Variants in TNRC18 observed in about 807,000 individuals in gnomAD.
TNRC18 encodes trinucleotide repeat containing 18, also known as trinucleotide repeat-containing gene 18 protein.
In TNRC18, 69 loss-of-function variants were observed where a neutral mutation model predicts 226.7. The ratio of observed to expected loss-of-function variants is 0.30; its 90% CI spans 0.25 to 0.37. TNRC18 has a LOEUF of 0.37. Among genes scored for constraint, TNRC18 ranks in the 10% least tolerant of loss-of-function variants. The pLI is 1.00. For synonymous variants in TNRC18, 2,449 were observed against 1,927.6 expected, an observed-to-expected ratio of 1.27 and a Z score of -7.09; for missense variants, 4,754 against 4,256.6, an observed-to-expected ratio of 1.12 and a Z score of -3.25.
At chr7:5,374,806 G>T (rs879441358) in intron 9 of TNRC18, among the ~76,000 whole-genome samples, 2 of 152,218 alleles carry the variant, frequency 1.3e-5, no homozygotes, top group African/African-American at 4.8e-5. Context: ...GGACAAGGGG[G>T]GCCAGATGGG....
At chr7:5,404,081 T>C (rs1169584312) in intron 2 of TNRC18, among the ~76,000 whole-genome samples, 3 of 152,170 alleles carry the variant, frequency 2.0e-5, no homozygotes, top group Non-Finnish European at 4.4e-5. Context: ...GCCATAAGAA[T>C]CCCAGGCAGG....
intron 5 of TNRC18, among the ~76,000 whole-genome samples, chr7:5,387,277 AGCCCAG>A (rs1405146010): frequency 3.3e-5 from 5 of 152,188 alleles, no homozygotes; most frequent in Admixed American, 2.0e-4. Context: ...TACGTGCCAG[AGCCCAG>A]GCTGGCTAGG....
rs746565279 is a variant in TNRC18 at position 5,321,165 on chromosome 7, C to T, written c.6468G>A (p.Lys2156=). ...TPAPRSCIID[K]DELKDGLRVL... ...CACGCAGGCCGTCCTTCAGCTCATCCTTGTCGATGATGCAGGAGCGAGGGG... is the reference window on the plus strand; with the variant it reads ...CACGCAGGCCGTCCTTCAGCTCATCTTTGTCGATGATGCAGGAGCGAGGGG... The change falls in exon 22 of 30, where the codon AAG becomes AAA. Residue 2156 remains lysine (K), a synonymous_variant. Coordinates refer to ENST00000430969, the MANE Select transcript of TNRC18 (RefSeq NM_001080495.3). 6.4e-7 allele frequency: 1 copy of T among 1,552,196 alleles called. No homozygotes were observed.
At chr7:5,320,737 C>T (rs1788265698) in intron 22 of TNRC18, 130 bp from the exon 23 acceptor site, 2 of 783,316 alleles carry the variant, frequency 2.6e-6, no homozygotes. Context: ...TGCTGACTTG[C>T]TGAATTTGGG....
chr7:5,381,734 G>C (rs1481090908), intron 5 of TNRC18, among the ~76,000 whole-genome samples: 1 of 152,234 alleles, frequency 6.6e-6, no homozygotes, highest in Non-Finnish European at 1.5e-5. Context: ...GGGAGGCCAA[G>C]GTGGGCAGAC....
intron 19 of TNRC18, among the ~76,000 whole-genome samples, chr7:5,327,399 G>GTC (rs143382473): frequency 0.18 from 24,852 of 138,140 alleles, 2,374 homozygotes; most frequent in East Asian, 0.51. Flanking sequence ...GTGTGTGTGT[G>GTC]TGTGTGTGTG....
chr7:5,382,275 G>A lies in TNRC18; in HGVS notation c.2153-4251C>T, dbSNP rs796600997. On this transcript the variant is annotated intron_variant, in intron 5 of 29. Coordinates refer to ENST00000430969, the MANE Select transcript of TNRC18 (RefSeq NM_001080495.3). ...ACGGCCCCACACAGGGAGTGCCACA[G>A]GGCCCTCTCCAGCCACGTCACTGCC... Among the ~76,000 whole-genome samples the A allele has an allele frequency of 1.6e-4, 24 of 152,332 alleles. 1 individual carries two copies. The highest frequency in any genetic ancestry group is 5.8e-4 in the African/African-American group (24 of 41,586).
In TNRC18 at chr7:5,388,244, G is replaced by A; in HGVS notation, c.1580C>T (p.Ala527Val). ...NFAATQMAVLAAQHHHSRAEE... is the reference protein window; with the variant it reads ...NFAATQMAVLVAQHHHSRAEE... ...GGCGCGGCTGTGGTGGTGCTGCGCG[G>A]CCAGCACGGCCATCTGCGTGGCGGC... is the stretch of plus-strand genomic sequence containing the variant. Residue 527 changes from alanine to valine, a missense_variant, in exon 5 of 30, where the codon GCC (alanine) becomes GTC (valine). By Grantham distance (64) the Ala-to-Val change is moderately conservative. Coordinates refer to ENST00000430969, the MANE Select transcript of TNRC18 (RefSeq NM_001080495.3). 6.2e-7 allele frequency: 1 copy of A among 1,606,118 alleles called. No individual in the cohort carries two copies. The highest frequency in any genetic ancestry group is 2.2e-5 in the East Asian group (1 of 44,596).
chr7:5,345,517 G>GTCCCCCCCC lies in TNRC18; in HGVS notation c.5719+44_5719+45insGGGGGGGGA. ...CCTGTGGGATGGGGCAATGGCGTCC[G>GTCCCCCCCC]CCCCTCCCACCCACCCCCACCGCAG... On this transcript the variant is annotated intron_variant, in intron 18 of 29. Transcript: ENST00000430969. The GTCCCCCCCC allele has an allele frequency of 1.6e-5, 6 of 377,744 alleles. 1 individual carries two copies. The highest frequency in any genetic ancestry group is 2.9e-5 in the Non-Finnish European group (6 of 207,166). 23.4% of individuals were successfully genotyped at this position (377,744 alleles called of 1,614,324 possible).
In TNRC18 at chr7:5,311,379, C is replaced by T. The variant is rs570545582; in HGVS notation, c.8388+1124G>A. Among the ~76,000 whole-genome samples, 16 of 152,354 alleles carry T rather than the reference C, an allele frequency of 1.1e-4. No individual in the cohort carries two copies. In the East Asian group the frequency reaches 3.1e-3, roughly 29 times the overall value. ...CTTTGTCTTCCAGGCCATATTGATTCACTCAGGGGTGGGCACATGATCCTG... is the reference window on the plus strand; with the variant it reads ...CTTTGTCTTCCAGGCCATATTGATTTACTCAGGGGTGGGCACATGATCCTG... On this transcript the variant is annotated intron_variant, in intron 27 of 29. Coordinates refer to ENST00000430969, the MANE Select transcript of TNRC18 (RefSeq NM_001080495.3).
Position 5,309,396 on chromosome 7 carries a change from G to T in TNRC18, c.8389-28C>A, listed in dbSNP as rs754735234. On this transcript the variant is annotated intron_variant, in intron 27 of 29. Coordinates refer to ENST00000430969, the MANE Select transcript of TNRC18 (RefSeq NM_001080495.3). This position sits in a 1 kb window ranked among gnomAD's most constrained non-coding sequence, Gnocchi z 5.7. ...GCAAGGACACGTGTGTCACGGCACA[G>T]GCCCTGGCCCAGCCCCAAGGAGCCC... 1 of 1,573,992 alleles carries T rather than the reference G, an allele frequency of 6.4e-7. No homozygotes were observed. Among genetic ancestry groups the T allele is most frequent in the East Asian group, 2.3e-5 (1 of 43,226 alleles).
chr7:5,352,442 C>T (rs1791927799), intron 16 of TNRC18, among the ~76,000 whole-genome samples: 1 of 152,216 alleles, frequency 6.6e-6, no homozygotes, highest in Non-Finnish European at 1.5e-5. Flanking sequence ...ACGGTGGTCA[C>T]TGCCTGTCCC....
In TNRC18 at chr7:5,376,864, T is replaced by C; in HGVS notation, c.2591A>G (p.Asp864Gly). Residue 864 changes from aspartate (D) to glycine (G), a missense_variant, in exon 8 of 30, where the codon GAT (aspartate) becomes GGT (glycine). Transcript: ENST00000430969. ...CCACTTACCAAAGTGAGGAAGGTGATCACTGGGAATGACCACCAGCTGGCC... is the reference window on the plus strand; with the variant it reads ...CCACTTACCAAAGTGAGGAAGGTGACCACTGGGAATGACCACCAGCTGGCC... ...QSGQLVVIPS[D>G]HLPHFAELME... The C allele has an allele frequency of 6.2e-7, 1 of 1,611,694 alleles. No homozygotes were observed. The highest frequency in any genetic ancestry group is 8.5e-7 in the Non-Finnish European group (1 of 1,178,968).
In TNRC18 at chr7:5,394,686, G is replaced by A. The variant is rs377433710; in HGVS notation, c.188-91C>T. The A allele has an allele frequency of 7.6e-5, 70 of 920,998 alleles. No individual in the cohort carries two copies. The highest frequency in any genetic ancestry group is 1.0e-4 in the Non-Finnish European group (64 of 633,170). The allele number at this position is 920,998 out of a possible 1,614,324, so 57.1% of individuals were successfully genotyped here. A position where few individuals can be genotyped will look rare whatever the true frequency, so the allele number is the denominator to read the frequency against. On this transcript the variant is annotated intron_variant, in intron 2 of 29. Transcript: ENST00000430969. This position sits in a 1 kb window ranked among gnomAD's most constrained non-coding sequence, Gnocchi z 4.5. Reference sequence around the variant, plus strand: ...CGCCCCGACCCACCGCCCCGAGACCGCCGCCTCTCCCCAGCTGTGTGGAGC... The same window carrying A: ...CGCCCCGACCCACCGCCCCGAGACCACCGCCTCTCCCCAGCTGTGTGGAGC...
chr7:5,318,585 G>T (rs1788067219), intron 24 of TNRC18, among the ~76,000 whole-genome samples: 3 of 137,584 alleles, frequency 2.2e-5, no homozygotes, highest in African/African-American at 5.1e-5. Flanking sequence ...TCCCTCTGCA[G>T]ATACCCAGCA....
chr7:5,399,662 C>A (rs1041436281), intron 2 of TNRC18, among the ~76,000 whole-genome samples: 2 of 151,862 alleles, frequency 1.3e-5, no homozygotes, highest in Admixed American at 6.6e-5. Context: ...GCCAAGATCG[C>A]GCCACTGCAC....
rs1304825384 is a variant in TNRC18 at position 5,325,247 on chromosome 7, T to C, written c.6149A>G (p.Lys2050Arg). ...RAKDRKDPRK[K>R]KKGKEAGPGA... is the part of the protein sequence containing the mutation. The stretch of plus-strand genomic sequence containing the variant: ...TGGCCCAGCCTCTTTCCCTTTCTTC[T>C]TCTGGAGGAGGAAGCAGCAGAGAGG... The change falls in exon 20 of 30, where the codon AAG (lysine) becomes AGG (arginine). Residue 2050 changes from lysine to arginine, a missense_variant and splice_region_variant. Transcript: ENST00000430969. 6.4e-7 allele frequency: 1 copy of C among 1,551,318 alleles called. No individual in the cohort carries two copies. Among genetic ancestry groups the C allele is most frequent in the South Asian group, 1.2e-5 (1 of 84,688 alleles).
In TNRC18 at chr7:5,377,164, C is replaced by T. The variant is rs183948240; in HGVS notation, c.2462-171G>A. ...CTGCAAAGAGCACCCCAGAGCCACCCGCATTGGGCATCTGCCCCAAACAGG... is the reference window on the plus strand; with the variant it reads ...CTGCAAAGAGCACCCCAGAGCCACCTGCATTGGGCATCTGCCCCAAACAGG... On this transcript the variant is annotated intron_variant, in intron 7 of 29. Coordinates refer to ENST00000430969, the MANE Select transcript of TNRC18 (RefSeq NM_001080495.3). The surrounding 1 kb of genome is among the most constrained non-coding windows in gnomAD (Gnocchi z 5.8). 2.1e-3 allele frequency among the ~76,000 whole-genome samples: 323 copies of T among 152,332 alleles called. 1 individual carries two copies. The highest frequency in any genetic ancestry group is 7.5e-3 in the African/African-American group (310 of 41,572).
intron 2 of TNRC18, among the ~76,000 whole-genome samples, chr7:5,409,758 C>T (rs1365631998): frequency 1.3e-4 from 19 of 144,932 alleles, no homozygotes; most frequent in Admixed American, 8.5e-4. Flanking sequence ...GGGTGGATCA[C>T]GAGGTCAGGA....
Sources: gnomAD v4.1 joint callset for allele counts (sites outside exome capture counted in the v4.1 genomes callset) on GRCh38, gnomAD v4.1.1 for gene constraint, Gnocchi (gnomAD v3.1) non-coding constraint, MANE v1.5 for transcripts, NCBI Gene and HGNC (gene_info 2026-07-23, HGNC 2026-07-21) for gene names.